Variants in ODAD2 observed in about 807,000 individuals in gnomAD.
The protein encoded by ODAD2 is outer dynein arm docking complex subunit 2, also known as outer dynein arm-docking complex subunit 2.
A neutral mutation model predicts 106.8 loss-of-function variants in ODAD2; 89 were observed. The ratio of observed to expected loss-of-function variants is 0.83; its 90% CI spans 0.70 to 0.99. The LOEUF is 0.99. ODAD2 is among the 50% of genes least tolerant of loss of function. The probability of loss-of-function intolerance (pLI) is 0.00; values close to 1 mark genes in which losing one functional copy is unlikely to be tolerated. For missense variants in ODAD2, 1,168 were observed against 1,238.5 expected (o/e 0.94, Z 0.85); for synonymous variants, 404 against 436.2 (o/e 0.93, Z 0.92).
chr10:27,929,759 A>G (rs1482770669), intron 16 of ODAD2, among the ~76,000 whole-genome samples: 1 of 152,204 alleles, frequency 6.6e-6, no homozygotes, highest in Non-Finnish European at 1.5e-5. Flanking sequence ...GGCTTGTGTC[A>G]TTAAAAGAAG....
chr10:27,966,532 G>C (rs1299181349), intron 9 of ODAD2, among the ~76,000 whole-genome samples: 1 of 151,966 alleles, frequency 6.6e-6, no homozygotes, highest in Admixed American at 6.6e-5. Flanking sequence ...TTTCCTATTT[G>C]ATATGATTTC....
In ODAD2 at chr10:27,907,676, A is replaced by T; in HGVS notation, c.2597T>A (p.Ile866Asn). The T allele has an allele frequency of 1.2e-6, 2 of 1,613,020 alleles. No homozygotes were observed. Among genetic ancestry groups the T allele is most frequent in the Non-Finnish European group, 1.7e-6 (2 of 1,179,164 alleles). Reference sequence around the variant, plus strand: ...GTCCGTTCTTACCTTTGCATTTTTGATGCATGGACAGAGTGCCCATGCTGC... The same window carrying T: ...GTCCGTTCTTACCTTTGCATTTTTGTTGCATGGACAGAGTGCCCATGCTGC... ...ASAAWALCPC[I>N]KNAKDAGEMV... is the part of the protein sequence containing the mutation. Residue 866 changes from isoleucine (I) to asparagine (N), a missense_variant, in exon 17 of 20, where the codon ATC (isoleucine) becomes AAC (asparagine). By Grantham distance (149) the Ile-to-Asn change is moderately radical. Around this residue, in one of 3 missense-constraint regions of ODAD2, gnomAD observed 701 missense variants for 712.3 expected, o/e 0.98. Transcript: ENST00000305242.
intron 16 of ODAD2, among the ~76,000 whole-genome samples, chr10:27,909,159 A>C (rs1433520015): frequency 6.6e-6 from 1 of 152,148 alleles, no homozygotes; most frequent in East Asian, 1.9e-4. Context: ...TTTTTTTCAC[A>C]TAAAATTTCA....
In ODAD2 at chr10:27,819,574, TAAAAAAAAAAAAA is replaced by T. The variant is rs56031733; in HGVS notation, c.3022-6962_3022-6950del. 5.8e-4 allele frequency among the ~76,000 whole-genome samples: 43 copies of T among 73,982 alleles called. No individual in the cohort carries two copies. The East Asian group carries it at 0.014, about 24-fold the overall frequency. 48.5% of individuals were successfully genotyped at this position (73,982 alleles called of 152,430 possible). On this transcript the variant is annotated intron_variant, in intron 19 of 19. Transcript: ENST00000305242. The stretch of plus-strand genomic sequence containing the variant: ...GGCAACATAGTGAGACCCTGTCTCT[TAAAAAAAAAAAAA>T]AAAAAAAAAAAAAAGTTAACCAGAC...
chr10:27,981,893 C>T (rs1849571190), intron 6 of ODAD2: 1 of 172,222 alleles, frequency 5.8e-6, no homozygotes, highest in Admixed American at 6.4e-5. Context: ...TCTCTCCGCT[C>T]TCCTCTACTC....
chr10:27,828,746 C>CCTTAACAT (rs1837257114), intron 19 of ODAD2, among the ~76,000 whole-genome samples: 3 of 152,028 alleles, frequency 2.0e-5, no homozygotes, highest in Non-Finnish European at 4.4e-5. Flanking sequence ...TAACTTTACT[C>CCTTAACAT]TAGGAAATGC....
intron 17 of ODAD2, among the ~76,000 whole-genome samples, chr10:27,906,861 CA>C (rs1231153046): frequency 1.8e-4 from 28 of 152,020 alleles, no homozygotes; most frequent in African/African-American, 6.3e-4. Context: ...CGGGGCCTGT[CA>C]GGGGGTGCGG....
chr10:27,956,701 T>C (rs183570055), intron 10 of ODAD2, among the ~76,000 whole-genome samples: 174 of 152,324 alleles, frequency 1.1e-3, no homozygotes, highest in Admixed American at 3.5e-3. Context: ...TTACTGCCTA[T>C]AGGGTTAAAA....
intron 9 of ODAD2, among the ~76,000 whole-genome samples, chr10:27,967,824 G>A (rs1249482896): frequency 1.3e-5 from 2 of 150,794 alleles, no homozygotes; most frequent in Middle Eastern, 6.8e-3. Context: ...TCGGGAGGCG[G>A]AGGTTGCACT....
At chr10:27,937,339 C>CTTTTTTTTTTTTTTTT (rs57375404) in intron 14 of ODAD2, among the ~76,000 whole-genome samples, 1 of 132,762 alleles carries the variant, frequency 7.5e-6, no homozygotes. Flanking sequence ...TTTCTTTTTT[C>CTTTTTTTTTTTTTTTT]TTTTTTTTTT....
chr10:27,988,659 G>A (rs1850032807), intron 2 of ODAD2, among the ~76,000 whole-genome samples: 1 of 151,942 alleles, frequency 6.6e-6, no homozygotes, highest in East Asian at 1.9e-4. Context: ...ATTTTGAATT[G>A]CAATGTAGAT....
chr10:27,917,012 C>T (rs1844432513), intron 16 of ODAD2, among the ~76,000 whole-genome samples: 1 of 152,078 alleles, frequency 6.6e-6, no homozygotes, highest in Admixed American at 6.6e-5. Flanking sequence ...ATAGAAAAGA[C>T]TGAAAAAACA....
chr10:27,933,358 T>C (rs1845738267), intron 16 of ODAD2, among the ~76,000 whole-genome samples: 1 of 152,282 alleles, frequency 6.6e-6, no homozygotes, highest in Middle Eastern at 3.4e-3. Context: ...ACAAAATGCT[T>C]TGAATAGCAA....
chr10:27,928,751 T>C (rs1197065990), intron 16 of ODAD2, among the ~76,000 whole-genome samples: 1 of 152,166 alleles, frequency 6.6e-6, no homozygotes, highest in Non-Finnish European at 1.5e-5. Context: ...TAGTTATGTA[T>C]TATCTTTTAA....
rs1182344695 is a variant in ODAD2 at position 27,862,441 on chromosome 10, G to A, written c.2792C>T (p.Ala931Val). 1.1e-5 allele frequency: 18 copies of A among 1,606,192 alleles called. No homozygotes were observed. The highest frequency in any genetic ancestry group is 1.4e-5 in the Non-Finnish European group (17 of 1,177,010). The change falls in exon 18 of 20, where the codon GCA (alanine) becomes GTA (valine). Residue 931 changes from alanine to valine, a missense_variant. Transcript: ENST00000305242. The part of the protein sequence containing the change: ...HGVVPLLSKL[A>V]NTNNNKLRHH... ...AAAAGATGTGTTACTTACTGTATTT[G>A]CCAGTTTGGACAATAAAGGAACAAC...
In ODAD2 at chr10:27,994,931, C is replaced by A. The variant is rs1204414479; in HGVS notation, c.212G>T (p.Gly71Val). The change falls in exon 2 of 20, where the codon GGT becomes GTT. Residue 71 changes from glycine (G) to valine (V), a missense_variant. Gly to Val is a moderately radical substitution (Grantham distance 109). This residue lies in a region of ODAD2 where 430 missense variants were observed against 452.2 expected (regional missense o/e 0.95). Coordinates refer to ENST00000305242, the MANE Select transcript of ODAD2 (RefSeq NM_018076.5). ...TSLAPSAFESGYVVSETTVKS... is the reference protein window; with the variant it reads ...TSLAPSAFESVYVVSETTVKS... ...GTAACTGGCTTACCTGACAACATAA[C>A]CTGATTCAAATGCTGAGGGCGCCAA... The A allele has an allele frequency of 1.9e-6, 3 of 1,614,020 alleles. No homozygotes were observed. The highest frequency in any genetic ancestry group is 2.2e-5 in the East Asian group (1 of 44,894).
chr10:27,827,403 A>C (rs897105957), intron 19 of ODAD2, among the ~76,000 whole-genome samples: 1 of 143,910 alleles, frequency 6.9e-6, no homozygotes, highest in East Asian at 2.2e-4. Flanking sequence ...ATATATATAT[A>C]TATATATATT....
chr10:27,812,605 C>T lies in ODAD2; in HGVS notation c.3042G>A (p.Gly1014=). 6.2e-7 allele frequency: 1 copy of T among 1,610,778 alleles called. No homozygotes were observed. The highest frequency in any genetic ancestry group is 8.5e-7 in the Non-Finnish European group (1 of 1,179,210). The change falls in exon 20 of 20, where the codon GGG becomes GGA. Residue 1014 remains glycine (G), a synonymous_variant. Coordinates refer to ENST00000305242, the MANE Select transcript of ODAD2 (RefSeq NM_018076.5). ...GAVKLLLDMV[G]SPDQDLQEAA... is the part of the protein sequence containing the mutation. ...CTTCCTGGAGATCCTGGTCAGGGGA[C>T]CCAACCATATCCAGTAGAAGCTGTC...
At position 27,985,216 on chromosome 10, in the gene ODAD2, C is replaced by CAA. The variant is rs10599433; in HGVS notation, c.383-7_383-6dup. The stretch of plus-strand genomic sequence containing the variant: ...TTACTATGGGGTCTCTGTTAGCTGC[C>CAA]AAAAAAAAAAAAAAGGAGACAAATA... On this transcript the variant is annotated splice_polypyrimidine_tract_variant and splice_region_variant and intron_variant, in intron 3 of 19. Transcript: ENST00000305242. The CAA allele has an allele frequency of 0.056, 67,839 of 1,217,702 alleles. 593 individuals are homozygous for CAA. The highest frequency in any genetic ancestry group is 0.18 in the East Asian group (6,035 of 34,334). The allele number at this position is 1,217,702 out of a possible 1,614,324, so 75.4% of individuals were successfully genotyped here.
Sources: allele counts gnomAD v4.1 joint callset (sites outside exome capture counted in the v4.1 genomes callset), GRCh38; gene constraint gnomAD v4.1.1; regional missense constraint gnomAD v4.1.1; transcripts MANE v1.5; gene names NCBI Gene and HGNC (gene_info 2026-07-23, HGNC 2026-07-21).